The following EYS variants were observed in gnomAD, a reference collection of about 807,000 sequenced individuals.
The protein encoded by EYS is protein eyes shut homolog.
Under a neutral mutation model 282.1 loss-of-function variants are expected in EYS, and 250 were observed. The observed-to-expected ratio is 0.89, with a 90% CI of 0.80 to 0.98. EYS has a LOEUF of 0.98. Among genes scored for constraint, EYS ranks in the 50% least tolerant of loss-of-function variants. EYS has a pLI of 0.00. For missense variants in EYS, 4,016 were observed against 3,709.0 expected (o/e 1.08, Z -2.15); for synonymous variants, 1,355 against 1,282.9 (o/e 1.06, Z -1.20).
intron 28 of EYS, among the ~76,000 whole-genome samples, chr6:64,414,287 A>G (rs1237920055): frequency 3.9e-5 from 6 of 152,190 alleles, no homozygotes; most frequent in Admixed American, 3.3e-4. Context: ...CTAGAAATCA[A>G]TGGAGCCATG....
chr6:63,813,295 A>G (rs1377998249), intron 36 of EYS, among the ~76,000 whole-genome samples: 1 of 152,174 alleles, frequency 6.6e-6, no homozygotes, highest in Non-Finnish European at 1.5e-5. Context: ...TGTTGTTTTT[A>G]ATAATTAAGT....
Position 64,176,692 on chromosome 6 carries a change from G to A in EYS, c.6424+53900C>T, listed in dbSNP as rs147981019. On this transcript the variant is annotated intron_variant, in intron 31 of 42. Coordinates refer to ENST00000503581, the MANE Select transcript of EYS (RefSeq NM_001142800.2). ...CTAAATTCTCTAGCTGAGGATGTCG[G>A]TGCCTTTAAATATGATGCTAATTTT... is the stretch of plus-strand genomic sequence containing the variant. Among the ~76,000 whole-genome samples, 52 of 152,112 alleles carry A rather than the reference G, an allele frequency of 3.4e-4. No homozygotes were observed. The East Asian group carries it at 5.0e-3, about 15-fold the overall frequency.
At chr6:64,372,861 T>TA (rs1292061709) in intron 29 of EYS, among the ~76,000 whole-genome samples, 1 of 152,220 alleles carries the variant, frequency 6.6e-6, no homozygotes, top group Non-Finnish European at 1.5e-5. Context: ...ATTCTGCTGT[T>TA]AATACTTGTG....
intron 22 of EYS, chr6:64,631,747 A>G (rs2149861709): frequency 6.6e-6 from 1 of 152,230 alleles, no homozygotes; most frequent in African/African-American, 2.4e-5. Context: ...TTTATTAACA[A>G]ATGTGTCTGG....
intron 19 of EYS, among the ~76,000 whole-genome samples, chr6:64,843,820 C>T (rs530703856): frequency 4.1e-4 from 63 of 152,108 alleles, no homozygotes; most frequent in Non-Finnish European, 6.9e-4. Flanking sequence ...TTTGGAGGGG[C>T]CCAGGGTGGA....
intron 15 of EYS, among the ~76,000 whole-genome samples, chr6:64,914,808 A>AT (rs965089604): frequency 5.3e-5 from 8 of 151,780 alleles, no homozygotes; most frequent in Admixed American, 3.3e-4. Flanking sequence ...AGCTGTCTAA[A>AT]TTTTTTTTTA....
At chr6:64,273,610 C>T (rs978222807) in intron 30 of EYS, among the ~76,000 whole-genome samples, 6 of 151,964 alleles carry the variant, frequency 3.9e-5, no homozygotes, top group African/African-American at 1.5e-4. Flanking sequence ...GCTCCTTCTT[C>T]CTCTTGTTCA....
chr6:64,545,611 T>G (rs757182242), intron 26 of EYS, among the ~76,000 whole-genome samples: 15 of 152,144 alleles, frequency 9.9e-5, no homozygotes, highest in Non-Finnish European at 1.9e-4. Flanking sequence ...TGACTGTATA[T>G]CTAGAAAACC....
intron 8 of EYS, among the ~76,000 whole-genome samples, chr6:65,374,202 G>T (rs1765265536): frequency 6.6e-6 from 1 of 152,058 alleles, no homozygotes; most frequent in South Asian, 2.1e-4. Context: ...TCATCTCATT[G>T]GGACTGGTTA....
At chr6:64,215,978 T>C (rs1765916045) in intron 31 of EYS, among the ~76,000 whole-genome samples, 2 of 152,134 alleles carry the variant, frequency 1.3e-5, no homozygotes, top group South Asian at 4.1e-4. Flanking sequence ...TTGGCGGGCA[T>C]GGGACATGAC....
At chr6:64,113,573 T>C (rs1235977447) in intron 31 of EYS, among the ~76,000 whole-genome samples, 1 of 152,176 alleles carries the variant, frequency 6.6e-6, no homozygotes, top group African/African-American at 2.4e-5. Flanking sequence ...GACAGCATTT[T>C]AGCAAGATAG....
intron 5 of EYS, among the ~76,000 whole-genome samples, chr6:65,488,705 C>T (rs1014136262): frequency 6.6e-6 from 1 of 152,124 alleles, no homozygotes; most frequent in African/African-American, 2.4e-5. Flanking sequence ...CTGGAGGTAT[C>T]ATGCTACCTA....
chr6:64,632,549 T>C (rs1377462040), intron 22 of EYS, among the ~76,000 whole-genome samples: 1 of 3,120 alleles, frequency 3.2e-4, no homozygotes. Flanking sequence ...CATTTTACAC[T>C]TCACTTACCC....
chr6:65,179,382 C>T (rs1765313140), intron 12 of EYS, among the ~76,000 whole-genome samples: 1 of 152,030 alleles, frequency 6.6e-6, no homozygotes, highest in African/African-American at 2.4e-5. Context: ...GGGGATACCA[C>T]CACCAATCCC....
chr6:64,397,467 A>G (rs1773416592), intron 28 of EYS, among the ~76,000 whole-genome samples: 1 of 152,048 alleles, frequency 6.6e-6, no homozygotes, highest in Non-Finnish European at 1.5e-5. Context: ...AATATGGATT[A>G]CATGTATTTA....
At chr6:64,648,593 G>T (rs565954978) in intron 22 of EYS, among the ~76,000 whole-genome samples, 2 of 152,240 alleles carry the variant, frequency 1.3e-5, no homozygotes, top group South Asian at 4.1e-4. Context: ...TTCTAAGAGT[G>T]CATAATCTGA....
At chr6:65,230,560 T>G (rs779460939) in intron 12 of EYS, among the ~76,000 whole-genome samples, 5 of 151,902 alleles carry the variant, frequency 3.3e-5, no homozygotes, top group Non-Finnish European at 7.4e-5. Context: ...ATTTACTGTC[T>G]TGGTTAAATG....
At chr6:64,040,294 T>C (rs1326474621) in intron 33 of EYS, among the ~76,000 whole-genome samples, 1 of 152,196 alleles carries the variant, frequency 6.6e-6, no homozygotes, top group Non-Finnish European at 1.5e-5. Flanking sequence ...TCAGAGTTAC[T>C]AGTAATGCTA....
chr6:64,506,568 C>A (rs529227396), intron 26 of EYS, among the ~76,000 whole-genome samples: 1 of 152,072 alleles, frequency 6.6e-6, no homozygotes, highest in Non-Finnish European at 1.5e-5. Flanking sequence ...AATGTCTTGT[C>A]AAAGGATCAG....
Sources: gnomAD v4.1 joint callset for allele counts (sites outside exome capture counted in the v4.1 genomes callset) on GRCh38, gnomAD v4.1.1 for gene constraint, MANE v1.5 for transcripts, NCBI Gene and HGNC (gene_info 2026-07-23, HGNC 2026-07-21) for gene names.